The following CHL1 variants were observed in gnomAD, a reference collection of about 807,000 sequenced individuals.
CHL1 encodes the protein neural cell adhesion molecule L1-like protein.
In CHL1, 96 loss-of-function variants were observed where a neutral mutation model predicts 141.9. That is an observed-to-expected ratio of 0.68 (90% CI 0.57 to 0.80). The LOEUF is 0.80. CHL1 is among the 30% of genes least tolerant of loss of function. The pLI, the probability that CHL1 is intolerant of heterozygous loss-of-function variation, is 0.00. For synonymous variants in CHL1, 613 were observed against 502.2 expected (o/e 1.22, Z -2.95); for missense variants, 1,820 against 1,457.2 (o/e 1.25, Z -4.05).
At chr3:343,717 T>C (rs934041204) in intron 8 of CHL1, among the ~76,000 whole-genome samples, 1 of 152,114 alleles carries the variant, frequency 6.6e-6, no homozygotes, top group Admixed American at 6.6e-5. Context: ...TACTTGCAAG[T>C]TCAGTGGAGG....
At chr3:355,944 G>T (rs998130020) in intron 11 of CHL1, among the ~76,000 whole-genome samples, 3 of 152,084 alleles carry the variant, frequency 2.0e-5, no homozygotes, top group Non-Finnish European at 1.5e-5. Context: ...TCAGTAAATT[G>T]GGATAAAAAT....
chr3:300,855 T>C (rs1010194508), intron 2 of CHL1, among the ~76,000 whole-genome samples: 7 of 152,060 alleles, frequency 4.6e-5, no homozygotes, highest in Admixed American at 1.3e-4. Flanking sequence ...ACCTGAAGGA[T>C]AAGAGTTGCC....
intron 1 of CHL1, among the ~76,000 whole-genome samples, chr3:202,949 C>A (rs543550638): frequency 1.3e-5 from 2 of 152,306 alleles, no homozygotes; most frequent in African/African-American, 4.8e-5. Flanking sequence ...TGACTAGATT[C>A]ATACATTTAG....
intron 13 of CHL1, 151 bp from the exon 14 acceptor site, chr3:363,066 T>G: frequency 1.6e-6 from 1 of 628,102 alleles, no homozygotes; most frequent in Non-Finnish European, 2.7e-6. Context: ...CTTGGTCCAT[T>G]TTGAGAAAAA....
intron 5 of CHL1, among the ~76,000 whole-genome samples, chr3:334,730 T>C (rs1421558307): frequency 6.6e-6 from 1 of 152,216 alleles, no homozygotes; most frequent in African/African-American, 2.4e-5. Flanking sequence ...ATAGTGATAC[T>C]GCAAATTCTC....
At chr3:370,079 C>T (rs1277831442) in intron 15 of CHL1, among the ~76,000 whole-genome samples, 1 of 151,998 alleles carries the variant, frequency 6.6e-6, no homozygotes, top group Non-Finnish European at 1.5e-5. Context: ...GTGTCTCTTC[C>T]TGGTTTTGGT....
At chr3:283,428 T>C (rs1696837257) in intron 2 of CHL1, among the ~76,000 whole-genome samples, 1 of 152,220 alleles carries the variant, frequency 6.6e-6, no homozygotes. Flanking sequence ...TGTGACTATC[T>C]TTCTATTTAT....
intron 19 of CHL1, chr3:384,702 T>C (rs142866157): frequency 4.0e-4 from 61 of 152,354 alleles, no homozygotes; most frequent in African/African-American, 1.4e-3. Flanking sequence ...TCAACCATTC[T>C]GATGAGTAAT....
intron 15 of CHL1, among the ~76,000 whole-genome samples, chr3:366,322 T>C (rs1704875566): frequency 6.6e-6 from 1 of 151,816 alleles, no homozygotes; most frequent in Non-Finnish European, 1.5e-5. Flanking sequence ...AATACAAAAA[T>C]TAGCCGGGCA....
chr3:328,550 G>C, intron 5 of CHL1, 196 bp downstream of exon 5: 1 of 444,074 alleles, frequency 2.3e-6, no homozygotes, highest in Non-Finnish European at 4.0e-6. Flanking sequence ...AACATAATTT[G>C]ACTCTGTTTC....
intron 15 of CHL1, among the ~76,000 whole-genome samples, chr3:371,948 G>A (rs1041809659): frequency 3.3e-5 from 5 of 152,208 alleles, no homozygotes; most frequent in African/African-American, 1.2e-4. Flanking sequence ...CTCTCTTCTG[G>A]CTTGTAGAGT....
rs138651399 is a variant in CHL1 at position 388,097 on chromosome 3, G to A, written c.2248-1155G>A. On this transcript the variant is annotated intron_variant, in intron 19 of 27. Transcript: ENST00000256509. ...GAACCTTAAATTTAGGATTAAAATC[G>A]TATTTTAAACTTATTTTATATAACT... Among the ~76,000 whole-genome samples the A allele has an allele frequency of 1.3e-3, 194 of 152,224 alleles. 1 individual carries two copies. The highest frequency in any genetic ancestry group is 4.4e-3 in the African/African-American group (182 of 41,548).
intron 2 of CHL1, among the ~76,000 whole-genome samples, chr3:283,464 A>C (rs200570350): frequency 6.6e-6 from 1 of 152,226 alleles, no homozygotes; most frequent in East Asian, 1.9e-4. Flanking sequence ...TGAAGTACTT[A>C]TTCATCCATC....
intron 25 of CHL1, 95 bp downstream of exon 25, chr3:398,480 C>A: frequency 1.6e-6 from 1 of 633,164 alleles, no homozygotes; most frequent in Non-Finnish European, 2.6e-6. Flanking sequence ...CATAAAAACA[C>A]TGAGTGTATT....
chr3:299,128 G>A (rs931607794), intron 2 of CHL1, among the ~76,000 whole-genome samples: 2 of 152,128 alleles, frequency 1.3e-5, no homozygotes, highest in African/African-American at 4.8e-5. Flanking sequence ...AGAATTCCTG[G>A]TTTCCGTGAG....
intron 1 of CHL1, among the ~76,000 whole-genome samples, chr3:235,739 A>T (rs592300): frequency 0.1 from 15,414 of 152,250 alleles, 1,120 homozygotes; most frequent in East Asian, 0.38. Context: ...GTCCTATTTG[A>T]GATCTAAAAG....
intron 1 of CHL1, among the ~76,000 whole-genome samples, chr3:202,123 T>A (rs1373510580): frequency 6.6e-6 from 1 of 152,196 alleles, no homozygotes; most frequent in Non-Finnish European, 1.5e-5. Flanking sequence ...CATGTTGACC[T>A]CTCTAAGACT....
At chr3:367,869 A>T (rs559247786) in intron 15 of CHL1, among the ~76,000 whole-genome samples, 1 of 151,204 alleles carries the variant, frequency 6.6e-6, no homozygotes, top group Admixed American at 6.6e-5. Context: ...CTTCTCCCAC[A>T]TGTTTGCTGA....
At chr3:282,853 TCCATATAAATCCTGCCTTTG>T (rs1670609789) in intron 2 of CHL1, 1 of 152,224 alleles carries the variant, frequency 6.6e-6, no homozygotes, top group African/African-American at 2.4e-5. Context: ...ACTATTTCTC[TCCATATAAATCCTGCCTTTG>T]CCACTTTTTA....
Sources: gnomAD v4.1 joint callset for allele counts (sites outside exome capture counted in the v4.1 genomes callset) on GRCh38, gnomAD v4.1.1 for gene constraint, MANE v1.5 for transcripts, NCBI Gene and HGNC (gene_info 2026-07-23, HGNC 2026-07-21) for gene names.